The following RAD51B variants were observed in gnomAD, a reference collection of about 807,000 sequenced individuals.
RAD51B encodes RAD51 paralog B, also known as DNA repair protein RAD51 homolog 2.
Under a neutral mutation model 42.2 loss-of-function variants are expected in RAD51B, and 38 were observed. The ratio of observed to expected loss-of-function variants is 0.90; its 90% CI spans 0.70 to 1.18. The LOEUF is 1.18. Ranked by LOEUF, RAD51B falls within the 50% of genes most tolerant of loss-of-function variation. The pLI is 0.00. For synonymous variants in RAD51B, 154 were observed against 145.2 expected (o/e 1.06, Z -0.43); for missense variants, 373 against 400.7 (o/e 0.93, Z 0.59).
intron 7 of RAD51B, among the ~76,000 whole-genome samples, chr14:67,912,048 C>T (rs971103503): frequency 6.6e-6 from 1 of 152,158 alleles, no homozygotes; most frequent in African/African-American, 2.4e-5. Flanking sequence ...TTATTTTCTT[C>T]TACTCTTTAT....
chr14:68,149,116 A>C (rs1443641413), intron 7 of RAD51B, among the ~76,000 whole-genome samples: 1 of 152,148 alleles, frequency 6.6e-6, no homozygotes, highest in Non-Finnish European at 1.5e-5. Flanking sequence ...CCTTTATCAG[A>C]TAGGTGTTTT....
intron 7 of RAD51B, among the ~76,000 whole-genome samples, chr14:67,925,332 G>C (rs145775287): frequency 2.6e-5 from 4 of 151,982 alleles, no homozygotes; most frequent in Admixed American, 2.6e-4. Flanking sequence ...GTGCAGTGGC[G>C]TGTGATCTCG....
At chr14:68,370,773 A>C (rs943807846) in intron 8 of RAD51B, among the ~76,000 whole-genome samples, 1 of 152,198 alleles carries the variant, frequency 6.6e-6, no homozygotes, top group African/African-American at 2.4e-5. Flanking sequence ...GGCCGGGCGC[A>C]GTGGCTCATG....
chr14:68,216,772 G>T (rs912459911), intron 7 of RAD51B, among the ~76,000 whole-genome samples: 2 of 152,164 alleles, frequency 1.3e-5, no homozygotes, highest in African/African-American at 4.8e-5. Context: ...ATTAGGAGGG[G>T]TGTAAATACT....
intron 8 of RAD51B, among the ~76,000 whole-genome samples, chr14:68,330,642 A>G (rs750847770): frequency 7.9e-5 from 12 of 152,248 alleles, no homozygotes; most frequent in African/African-American, 2.2e-4. Flanking sequence ...CATTCATAAC[A>G]TGCCTTTGAA....
chr14:68,641,169 C>T (rs955093898), intron 10 of RAD51B, among the ~76,000 whole-genome samples: 1 of 152,172 alleles, frequency 6.6e-6, no homozygotes, highest in African/African-American at 2.4e-5. Context: ...TGATGAAGGT[C>T]TGCAGAGATT....
intron 7 of RAD51B, among the ~76,000 whole-genome samples, chr14:67,976,826 G>A (rs189478781): frequency 2.1e-3 from 322 of 152,082 alleles, no homozygotes; most frequent in Middle Eastern, 6.8e-3. Flanking sequence ...TCTGACAGAG[G>A]GCTAATATCC....
chr14:68,093,865 AG>A (rs898904295), intron 7 of RAD51B, among the ~76,000 whole-genome samples: 2 of 152,130 alleles, frequency 1.3e-5, no homozygotes, highest in African/African-American at 4.8e-5. Flanking sequence ...GTATGTACTG[AG>A]GGGTAGGATT....
chr14:68,269,569 A>G (rs4899235), intron 7 of RAD51B, among the ~76,000 whole-genome samples: 11,102 of 152,240 alleles, frequency 0.073, 1,349 homozygotes, highest in African/African-American at 0.25. Context: ...TCCTATCAGT[A>G]TCTACACCCG....
At chr14:67,848,564 G>T (rs1211465775) in intron 4 of RAD51B, among the ~76,000 whole-genome samples, 4 of 152,022 alleles carry the variant, frequency 2.6e-5, no homozygotes, top group Non-Finnish European at 5.9e-5. Flanking sequence ...TTTAAGTGGG[G>T]TGTTTAGAAC....
downstream of RAD51B, among the ~76,000 whole-genome samples, chr14:68,614,959 G>A (rs960317453): frequency 1.3e-4 from 20 of 152,242 alleles, no homozygotes; most frequent in East Asian, 1.7e-3. Flanking sequence ...TGCAACCTCC[G>A]CCTCCTGGGT....
chr14:68,407,908 C>T (rs1349316744), intron 8 of RAD51B, among the ~76,000 whole-genome samples: 2 of 152,092 alleles, frequency 1.3e-5, no homozygotes, highest in Non-Finnish European at 2.9e-5. Context: ...CCTTGAATGC[C>T]AGTGTTAGGA....
chr14:67,995,893 A>G (rs1320014002), intron 7 of RAD51B, among the ~76,000 whole-genome samples: 1 of 152,098 alleles, frequency 6.6e-6, no homozygotes, highest in African/African-American at 2.4e-5. Context: ...CTGGGATTAC[A>G]GGCATGAGCC....
intron 7 of RAD51B, among the ~76,000 whole-genome samples, chr14:68,051,612 A>G (rs11851469): frequency 0.026 from 3,927 of 149,488 alleles, 173 homozygotes; most frequent in African/African-American, 0.091. Context: ...TTTTTTTTTT[A>G]AGAGTCAGGA....
chr14:68,634,378 C>T (rs1892299130), intron 10 of RAD51B, among the ~76,000 whole-genome samples: 4 of 152,184 alleles, frequency 2.6e-5, no homozygotes, highest in Admixed American at 2.0e-4. Flanking sequence ...CAACAGTCTC[C>T]AGTTGTGGGT....
At chr14:68,423,717 C>T (rs939500214) in intron 9 of RAD51B, among the ~76,000 whole-genome samples, 4 of 151,946 alleles carry the variant, frequency 2.6e-5, no homozygotes, top group African/African-American at 9.7e-5. Context: ...TTTTTCAACC[C>T]CTGTGGTGTG....
At chr14:68,200,891 C>T (rs930014098) in intron 7 of RAD51B, among the ~76,000 whole-genome samples, 3 of 151,974 alleles carry the variant, frequency 2.0e-5, no homozygotes, top group South Asian at 2.1e-4. Flanking sequence ...CTCCTGGACT[C>T]GAGCAATCCT....
chr14:67,913,535 G>C (rs1466867162), intron 7 of RAD51B, among the ~76,000 whole-genome samples: 1 of 152,116 alleles, frequency 6.6e-6, no homozygotes, highest in Non-Finnish European at 1.5e-5. Context: ...TAGTGCCTTA[G>C]CTCAAATTAA....
chr14:68,320,993 C>T (rs2082147623), intron 8 of RAD51B, among the ~76,000 whole-genome samples: 1 of 152,176 alleles, frequency 6.6e-6, no homozygotes, highest in African/African-American at 2.4e-5. Flanking sequence ...TCTTTCCCCC[C>T]TGCAGAAGTA....
Sources: allele counts gnomAD v4.1 joint callset (sites outside exome capture counted in the v4.1 genomes callset), GRCh38; gene constraint gnomAD v4.1.1; transcripts MANE v1.5; gene names NCBI Gene and HGNC (gene_info 2026-07-23, HGNC 2026-07-21).